The following NKAIN2 variants were observed in gnomAD, a reference collection of about 807,000 sequenced individuals.
NKAIN2 encodes sodium/potassium-transporting ATPase subunit beta-1-interacting protein 2.
NKAIN2 carries 14 observed loss-of-function variants against 32.6 expected under a neutral mutation model. That is an observed-to-expected ratio of 0.43 (90% CI 0.28 to 0.67). The LOEUF is 0.67. NKAIN2 is among the 30% of genes least tolerant of loss of function. The pLI is 0.17. For synonymous variants in NKAIN2, 80 were observed against 87.2 expected (o/e 0.92, Z 0.46); for missense variants, 198 against 258.3 (o/e 0.77, Z 1.60).
intron 1 of NKAIN2, 25 bp downstream of exon 1, chr6:123,804,279 T>A: frequency 6.3e-7 from 1 of 1,595,464 alleles, no homozygotes; most frequent in Non-Finnish European, 8.6e-7. Context: ...GGTCCCCTTA[T>A]TCTGTAATGT....
At chr6:124,249,783 C>T (rs939873506) in intron 1 of NKAIN2, among the ~76,000 whole-genome samples, 2 of 151,934 alleles carry the variant, frequency 1.3e-5, no homozygotes, top group Non-Finnish European at 2.9e-5. Context: ...GCCTGAAGCA[C>T]AGAGAACAGA....
chr6:123,945,855 G>T (rs147803944), intron 1 of NKAIN2, among the ~76,000 whole-genome samples: 39 of 152,248 alleles, frequency 2.6e-4, no homozygotes, highest in South Asian at 1.2e-3. Context: ...CCTGATTCCT[G>T]TTGGGTAAGA....
rs370921543 is a variant in NKAIN2, at chr6:124,202,625, A to T, written c.55-80380A>T. Reference sequence around the variant, plus strand: ...TATTACTTATTGCCTATTAAAAATTAAAAAAGTCATTTAACACCTTTGAAT... The same window carrying T: ...TATTACTTATTGCCTATTAAAAATTTAAAAAGTCATTTAACACCTTTGAAT... On this transcript the variant is annotated intron_variant, in intron 1 of 6. Coordinates refer to ENST00000368417, the MANE Select transcript of NKAIN2 (RefSeq NM_001040214.3). Among the ~76,000 whole-genome samples the T allele has an allele frequency of 1.6e-4, 25 of 152,020 alleles. No individual in the cohort carries two copies. The South Asian group carries it at 2.3e-3, about 14-fold the overall frequency.
At chr6:124,022,141 G>A (rs9491045) in intron 1 of NKAIN2, among the ~76,000 whole-genome samples, 30,296 of 150,596 alleles carry the variant, frequency 0.2, 3,516 homozygotes, top group African/African-American at 0.31. Context: ...GAGAACATGC[G>A]GTGTTTGGTT....
chr6:124,683,932 AAGG>A (rs1353045515), intron 4 of NKAIN2, among the ~76,000 whole-genome samples: 1 of 152,182 alleles, frequency 6.6e-6, no homozygotes, highest in East Asian at 1.9e-4. Context: ...TGGATTTCTA[AAGG>A]AGAACAGGTT....
At chr6:123,853,994 A>T (rs1017942799) in intron 1 of NKAIN2, among the ~76,000 whole-genome samples, 1 of 152,022 alleles carries the variant, frequency 6.6e-6, no homozygotes, top group Non-Finnish European at 1.5e-5. Flanking sequence ...GCTGGTCTTG[A>T]ACTCCTGACC....
chr6:124,587,332 C>T (rs1203797594), intron 3 of NKAIN2, among the ~76,000 whole-genome samples: 1 of 151,914 alleles, frequency 6.6e-6, no homozygotes, highest in Non-Finnish European at 1.5e-5. Context: ...TGGGTTCAAG[C>T]GATTCTCCTC....
intron 1 of NKAIN2, among the ~76,000 whole-genome samples, chr6:124,178,123 AG>A (rs1013245553): frequency 6.6e-6 from 1 of 152,086 alleles, no homozygotes; most frequent in Non-Finnish European, 1.5e-5. Context: ...TGCAGCAAAA[AG>A]GTGCCATGTA....
intron 3 of NKAIN2, among the ~76,000 whole-genome samples, chr6:124,486,273 C>T (rs999570838): frequency 6.6e-6 from 1 of 152,004 alleles, no homozygotes; most frequent in Admixed American, 6.6e-5. Flanking sequence ...TCAGAAGAAC[C>T]CATTTATTAA....
intron 1 of NKAIN2, among the ~76,000 whole-genome samples, chr6:124,150,938 TGTAA>T (rs1239367202): frequency 6.6e-6 from 1 of 152,172 alleles, no homozygotes; most frequent in Non-Finnish European, 1.5e-5. Context: ...TTAAAATGTT[TGTAA>T]GTAACATTTG....
At chr6:124,372,368 A>G (rs899050333) in intron 3 of NKAIN2, among the ~76,000 whole-genome samples, 107 of 152,242 alleles carry the variant, frequency 7.0e-4, no homozygotes, top group African/African-American at 2.3e-3. Context: ...ATCACCCCTC[A>G]GATCTTCAGG....
At chr6:124,792,213 AT>A (rs1779777623) in intron 5 of NKAIN2, among the ~76,000 whole-genome samples, 3 of 152,146 alleles carry the variant, frequency 2.0e-5, no homozygotes, top group African/African-American at 7.2e-5. Flanking sequence ...TTCAAAAAAT[AT>A]TTATAATGTT....
chr6:124,609,035 T>C (rs994286969), intron 3 of NKAIN2, among the ~76,000 whole-genome samples: 4 of 152,200 alleles, frequency 2.6e-5, no homozygotes, highest in Admixed American at 6.5e-5. Flanking sequence ...GGAGTATTTG[T>C]GGCTTAAGAG....
chr6:124,701,947 T>G (rs1774813196), intron 4 of NKAIN2, among the ~76,000 whole-genome samples: 1 of 152,110 alleles, frequency 6.6e-6, no homozygotes, highest in Non-Finnish European at 1.5e-5. Context: ...GCTGGGCATT[T>G]GTGCTAACCT....
chr6:124,000,993 C>T (rs1179436500), intron 1 of NKAIN2, among the ~76,000 whole-genome samples: 1 of 152,050 alleles, frequency 6.6e-6, no homozygotes, highest in African/African-American at 2.4e-5. Context: ...ATCACCAACA[C>T]TCACCACAAA....
At chr6:124,322,156 C>A (rs962110789) in intron 2 of NKAIN2, among the ~76,000 whole-genome samples, 6 of 151,974 alleles carry the variant, frequency 3.9e-5, no homozygotes, top group Admixed American at 3.3e-4. Flanking sequence ...GTAGAATATA[C>A]CTTTTTGCTT....
At chr6:123,821,121 T>C (rs1187259582) in intron 1 of NKAIN2, among the ~76,000 whole-genome samples, 1 of 152,162 alleles carries the variant, frequency 6.6e-6, no homozygotes, top group Non-Finnish European at 1.5e-5. Flanking sequence ...GCCAATCACA[T>C]GTCACTAGAT....
chr6:123,847,898 G>A (rs2114950015), intron 1 of NKAIN2, among the ~76,000 whole-genome samples: 1 of 152,104 alleles, frequency 6.6e-6, no homozygotes, highest in South Asian at 2.1e-4. Flanking sequence ...ATCTCTCCTT[G>A]GGATCCACTG....
chr6:124,731,279 T>C (rs909348283), intron 4 of NKAIN2, among the ~76,000 whole-genome samples: 2 of 148,932 alleles, frequency 1.3e-5, no homozygotes, highest in Admixed American at 6.8e-5. Flanking sequence ...TATTGCGGCA[T>C]TATTCACAAT....
Sources: allele counts gnomAD v4.1 joint callset (sites outside exome capture counted in the v4.1 genomes callset), GRCh38; gene constraint gnomAD v4.1.1; transcripts MANE v1.5; gene names NCBI Gene and HGNC (gene_info 2026-07-23, HGNC 2026-07-21).